The following MTRR variants were observed in gnomAD, a reference collection of about 807,000 sequenced individuals.
The protein encoded by MTRR is methionine synthase reductase.
MTRR carries 63 observed loss-of-function variants against 79.2 expected under a neutral mutation model. The ratio of observed to expected loss-of-function variants is 0.80; its 90% CI spans 0.65 to 0.98. MTRR has a LOEUF of 0.98. Ranked by LOEUF, MTRR falls within the 50% of genes least tolerant of loss-of-function variation. The probability of loss-of-function intolerance (pLI) is 0.00; values close to 1 mark genes in which losing one functional copy is unlikely to be tolerated. For missense variants in MTRR, 895 were observed against 839.6 expected (o/e 1.07, Z -0.82); for synonymous variants, 355 against 313.3 (o/e 1.13, Z -1.41).
At chr5:7,853,075 G>A (rs939349336) in intron 1 of MTRR, among the ~76,000 whole-genome samples, 1 of 152,094 alleles carries the variant, frequency 6.6e-6, no homozygotes, top group Non-Finnish European at 1.5e-5. Flanking sequence ...TTTTCTTCTT[G>A]GATGGAGATA....
chr5:7,875,101 A>T (rs180999015), intron 3 of MTRR, 157 bp from the exon 4 acceptor site: 15 of 663,004 alleles, frequency 2.3e-5, no homozygotes, highest in Admixed American at 9.6e-5. Context: ...GCCTACATGC[A>T]TAGAATTACT....
rs1738686385 is a variant in MTRR at position 7,897,218 on chromosome 5, C to T, written c.1923C>T (p.Leu641=). Residue 641 remains leucine (L), a synonymous_variant, in exon 14 of 15, where the codon CTC becomes CTT. Coordinates refer to ENST00000440940, the MANE Select transcript of MTRR (RefSeq NM_002454.3). ...LHGQQVARIL[L]QENGHIYVCG... ...GCCAGCAGGTGGCGAGAATCCTCCT[C>T]CAGGAGAACGGCCATATTTATGTGT... The T allele has an allele frequency of 2.5e-6, 4 of 1,614,042 alleles. No homozygotes were observed. The highest frequency in any genetic ancestry group is 2.5e-6 in the Non-Finnish European group (3 of 1,180,004).
At chr5:7,882,080 G>A (rs937331724) in intron 5 of MTRR, among the ~76,000 whole-genome samples, 5 of 152,168 alleles carry the variant, frequency 3.3e-5, no homozygotes, top group African/African-American at 1.2e-4. Flanking sequence ...TGTTTTTAGG[G>A]CATCCTCTTG....
At position 7,892,841 on chromosome 5, in the gene MTRR, G is replaced by A; in HGVS notation, c.1485G>A (p.Leu495=). The change falls in exon 11 of 15, where the codon TTG becomes TTA. Residue 495 remains leucine, a synonymous_variant. Transcript: ENST00000440940. ...RKGVCTGWLA[L]LVASVLQPNI... ...GAGTATGTACAGGCTGGCTGGCCTT[G>A]TTGGTTGCTTCAGTTCTTCAGCCAA... 1 of 1,614,196 alleles carries A rather than the reference G, an allele frequency of 6.2e-7. No individual in the cohort carries two copies. The highest frequency in any genetic ancestry group is 8.5e-7 in the Non-Finnish European group (1 of 1,180,036).
chr5:7,891,325 T>G, intron 9 of MTRR, 47 bp from the exon 10 acceptor site: 1 of 1,154,786 alleles, frequency 8.7e-7, no homozygotes, highest in Non-Finnish European at 1.3e-6. Context: ...GTAAGGTTAT[T>G]TTCAGTAGTA....
At chr5:7,867,553 A>G (rs764617367), upstream of MTRR, 1 of 1,614,254 alleles carries the variant, frequency 6.2e-7, no homozygotes, top group South Asian at 1.1e-5. Context: ...CAGTCACTAA[A>G]CTAGTGTTTG....
chr5:7,864,869 T>A (rs1746824136), upstream of MTRR, among the ~76,000 whole-genome samples: 1 of 149,018 alleles, frequency 6.7e-6, no homozygotes, highest in Non-Finnish European at 1.5e-5. Flanking sequence ...TTTTTGGGAA[T>A]CTAGTTTATA....
intron 11 of MTRR, 174 bp downstream of exon 11, chr5:7,893,087 T>C: frequency 1.4e-6 from 1 of 702,476 alleles, no homozygotes; most frequent in South Asian, 1.9e-5. Context: ...CCATGTACTC[T>C]TTAACTAGTG....
chr5:7,867,018 C>G (rs763816658), upstream of MTRR: 9 of 1,614,200 alleles, frequency 5.6e-6, no homozygotes, highest in Non-Finnish European at 5.9e-6. Flanking sequence ...ACACGATGCT[C>G]TAGGGCTTTT....
At chr5:7,881,994 C>A (rs1245406725) in intron 5 of MTRR, among the ~76,000 whole-genome samples, 1 of 152,222 alleles carries the variant, frequency 6.6e-6, no homozygotes, top group Non-Finnish European at 1.5e-5. Flanking sequence ...CAGCTCTAGA[C>A]TCCATTTTAG....
At chr5:7,867,420 C>G (rs761230139), upstream of MTRR, 6 of 1,614,154 alleles carry the variant, frequency 3.7e-6, no homozygotes, top group Non-Finnish European at 5.1e-6. Flanking sequence ...AGACTTTCCC[C>G]AAGAATACAA....
intron 1 of MTRR, chr5:7,859,227 G>GT (rs558996658): frequency 2.4e-4 from 82 of 338,678 alleles, no homozygotes; most frequent in Admixed American, 4.3e-4. Flanking sequence ...TGTACAAAAA[G>GT]TATCTATGAC....
At position 7,900,629 on chromosome 5, in the gene MTRR, A is replaced by G. The variant is rs1180033480; in HGVS notation, c.*571A>G. Reference sequence around the variant, plus strand: ...AAAATATTTTAGGATAATTGCCTACAGAGGGATTTATTTTTATGATGCTGG... The same window carrying G: ...AAAATATTTTAGGATAATTGCCTACGGAGGGATTTATTTTTATGATGCTGG... On this transcript the variant is annotated 3_prime_UTR_variant, in exon 15 of 15. Coordinates refer to ENST00000440940, the MANE Select transcript of MTRR (RefSeq NM_002454.3). The G allele has an allele frequency of 1.3e-5, 2 of 152,970 alleles. No individual in the cohort carries two copies. The highest frequency in any genetic ancestry group is 2.4e-5 in the African/African-American group (1 of 41,464). The allele number at this position is 152,970 out of a possible 1,614,324, so 9.5% of individuals were successfully genotyped here. A position where few individuals can be genotyped will look rare whatever the true frequency, so the allele number is the denominator to read the frequency against.
At chr5:7,899,359 C>G (rs181906685) in intron 14 of MTRR, among the ~76,000 whole-genome samples, 4 of 152,288 alleles carry the variant, frequency 2.6e-5, no homozygotes, top group Admixed American at 2.0e-4. Context: ...CGGAAGTGTT[C>G]CAGAGAGGAC....
At chr5:7,860,889 T>C (rs1247450536) in intron 1 of MTRR, among the ~76,000 whole-genome samples, 4 of 152,212 alleles carry the variant, frequency 2.6e-5, no homozygotes, top group Non-Finnish European at 4.4e-5. Flanking sequence ...TTCCACAGAA[T>C]AGTTCAAACA....
intron 11 of MTRR, 38 bp downstream of exon 11, chr5:7,892,951 C>A: frequency 6.3e-7 from 1 of 1,584,440 alleles, no homozygotes; most frequent in South Asian, 1.1e-5. Flanking sequence ...ATTGTTAACT[C>A]ATACTCTTTG....
upstream of MTRR, chr5:7,867,731 A>G: frequency 6.2e-7 from 1 of 1,614,196 alleles, no homozygotes; most frequent in Non-Finnish European, 8.5e-7. Context: ...CGTGCTTATA[A>G]AACTTAGCAC....
chr5:7,897,232 A>G lies in MTRR; in HGVS notation c.1937A>G (p.His646Arg), dbSNP rs780816682. 24 of 1,613,720 alleles carry G rather than the reference A, an allele frequency of 1.5e-5. No individual in the cohort carries two copies. Among genetic ancestry groups the G allele is most frequent in the Non-Finnish European group, 1.7e-5 (20 of 1,179,830 alleles). Residue 646 changes from histidine to arginine, a missense_variant, in exon 14 of 15, where the codon CAT (histidine) becomes CGT (arginine). His to Arg is a conservative substitution (Grantham distance 29). Coordinates refer to ENST00000440940, the MANE Select transcript of MTRR (RefSeq NM_002454.3). ...VARILLQENG[H>R]IYVCGDAKNM... ...AGAATCCTCCTCCAGGAGAACGGCC[A>G]TATTTATGTGTGTGGGTGAGTCATT...
intron 10 of MTRR, 94 bp from the exon 11 acceptor site, chr5:7,892,633 G>A (rs1199057891): frequency 7.4e-7 from 1 of 1,347,250 alleles, no homozygotes; most frequent in Non-Finnish European, 1.1e-6. Context: ...GAGCCTATAA[G>A]GAAATATTTC....
Sources: allele counts gnomAD v4.1 joint callset (sites outside exome capture counted in the v4.1 genomes callset), GRCh38; gene constraint gnomAD v4.1.1; transcripts MANE v1.5; gene names NCBI Gene and HGNC (gene_info 2026-07-23, HGNC 2026-07-21).